The following SND1 variants were observed in gnomAD, a reference collection of about 807,000 sequenced individuals.
SND1 encodes the protein staphylococcal nuclease domain-containing protein 1.
SND1 carries 38 observed loss-of-function variants against 121.7 expected under a neutral mutation model. The observed-to-expected ratio is 0.31, with a 90% CI of 0.24 to 0.41. SND1 has a LOEUF of 0.41. Among genes scored for constraint, SND1 ranks in the 10% least tolerant of loss-of-function variants. The probability of loss-of-function intolerance (pLI) is 1.00; values close to 1 mark genes in which losing one functional copy is unlikely to be tolerated. For missense variants in SND1, 868 were observed against 1,184.6 expected (o/e 0.73, Z 3.92); for synonymous variants, 401 against 447.4 (o/e 0.90, Z 1.31).
intron 12 of SND1, among the ~76,000 whole-genome samples, chr7:127,881,206 A>G (rs1799782214): frequency 6.6e-6 from 1 of 152,068 alleles, no homozygotes; most frequent in African/African-American, 2.4e-5. Context: ...ACTGCTCCTC[A>G]AAGAATTACC....
In SND1 at chr7:127,789,655, T is replaced by C. The variant is rs966967957; in HGVS notation, c.1153-17829T>C. Among the ~76,000 whole-genome samples the C allele has an allele frequency of 1.4e-4, 21 of 152,242 alleles. No homozygotes were observed. The East Asian group carries it at 3.8e-3, about 28-fold the overall frequency. On this transcript the variant is annotated intron_variant, in intron 10 of 23. Coordinates refer to ENST00000354725, the MANE Select transcript of SND1 (RefSeq NM_014390.4). Reference sequence around the variant, plus strand: ...CAATAAAAAGGCATGCAGGTTGGTTTTCCCTAAAGCCTCATCTTCAACTTG... The same window carrying C: ...CAATAAAAAGGCATGCAGGTTGGTTCTCCCTAAAGCCTCATCTTCAACTTG...
Position 128,026,719 on chromosome 7 carries a change from A to G in SND1, c.1779+35663A>G, listed in dbSNP as rs919854111. Among the ~76,000 whole-genome samples the G allele has an allele frequency of 2.0e-5, 3 of 152,192 alleles. No individual in the cohort carries two copies. In the East Asian group the frequency reaches 5.8e-4, roughly 29 times the overall value. On this transcript the variant is annotated intron_variant, in intron 16 of 23. Transcript: ENST00000354725. ...CGGGTAGAGCTGGTGCTGCCTGACCAGCAGCTTCTGCTGAGGTGGCATTTA... is the reference window on the plus strand; with the variant it reads ...CGGGTAGAGCTGGTGCTGCCTGACCGGCAGCTTCTGCTGAGGTGGCATTTA...
intron 2 of SND1, among the ~76,000 whole-genome samples, chr7:127,691,785 T>A (rs909442525): frequency 2.7e-5 from 4 of 146,736 alleles, no homozygotes; most frequent in African/African-American, 7.5e-5. Context: ...GCTAATTTTT[T>A]TTTTTTTTTT....
At chr7:127,758,429 C>T (rs1746469230) in intron 10 of SND1, among the ~76,000 whole-genome samples, 1 of 152,140 alleles carries the variant, frequency 6.6e-6, no homozygotes, top group Admixed American at 6.5e-5. Context: ...AAGACACATC[C>T]CCTATCCTCA....
At chr7:127,831,328 C>CT (rs1187303200) in intron 11 of SND1, among the ~76,000 whole-genome samples, 1 of 152,234 alleles carries the variant, frequency 6.6e-6, no homozygotes, top group Admixed American at 6.5e-5. Context: ...TTCTTCCACT[C>CT]TTTTCCAGCT....
chr7:127,859,971 T>C (rs1176934904), intron 12 of SND1, among the ~76,000 whole-genome samples: 10 of 152,184 alleles, frequency 6.6e-5, no homozygotes, highest in Non-Finnish European at 1.5e-5. Context: ...CTCAGATCAC[T>C]TTTACAGCTC....
intron 16 of SND1, among the ~76,000 whole-genome samples, chr7:128,058,339 C>T (rs1022568850): frequency 1.3e-5 from 2 of 152,248 alleles, no homozygotes; most frequent in Non-Finnish European, 2.9e-5. Context: ...CTCATTTAAA[C>T]CTTGTGAGGG....
At chr7:127,850,012 A>G (rs185381719) in intron 12 of SND1, among the ~76,000 whole-genome samples, 1 of 152,292 alleles carries the variant, frequency 6.6e-6, no homozygotes, top group East Asian at 1.9e-4. Context: ...CCTTTAATGT[A>G]TTTGTATGAA....
intron 11 of SND1, among the ~76,000 whole-genome samples, chr7:127,817,710 T>C (rs1798469524): frequency 6.6e-6 from 1 of 150,816 alleles, no homozygotes; most frequent in Non-Finnish European, 1.5e-5. Flanking sequence ...TCACAACTTC[T>C]TTCCTTCATA....
At chr7:128,075,014 G>T (rs1051009045) in intron 17 of SND1, among the ~76,000 whole-genome samples, 3 of 152,180 alleles carry the variant, frequency 2.0e-5, no homozygotes, top group African/African-American at 7.2e-5. Flanking sequence ...AATGCCCGGG[G>T]CGCCCCTCCC....
chr7:127,740,534 T>A (rs1428931441), intron 10 of SND1, among the ~76,000 whole-genome samples: 1 of 152,172 alleles, frequency 6.6e-6, no homozygotes, highest in African/African-American at 2.4e-5. Context: ...GCAACATGGC[T>A]CAATCAGCAG....
At chr7:128,027,079 T>C (rs1803496183) in intron 16 of SND1, 1 of 152,700 alleles carries the variant, frequency 6.5e-6, no homozygotes, top group East Asian at 1.9e-4. Flanking sequence ...AATTAAAAAT[T>C]CAACAATATT....
chr7:127,894,108 T>C (rs564909824), intron 13 of SND1, among the ~76,000 whole-genome samples: 22 of 152,198 alleles, frequency 1.4e-4, no homozygotes, highest in Non-Finnish European at 1.0e-4. Context: ...TAAACCAATA[T>C]CCCTGGCTAT....
At chr7:128,023,128 C>A (rs1403225178) in intron 16 of SND1, among the ~76,000 whole-genome samples, 2 of 152,208 alleles carry the variant, frequency 1.3e-5, no homozygotes, top group African/African-American at 2.4e-5. Context: ...TCCTCCTTGA[C>A]TGCATTGCAG....
chr7:127,852,128 C>G lies in SND1; in HGVS notation c.1343+7704C>G, dbSNP rs867980632. On this transcript the variant is annotated intron_variant, in intron 12 of 23. Coordinates refer to ENST00000354725, the MANE Select transcript of SND1 (RefSeq NM_014390.4). ...TGAGCTGAGATTGTGCCACTGCACT[C>G]CAGCCTGGGTGGTAGAGCAAGACTC... Among the ~76,000 whole-genome samples, 8 of 151,396 alleles carry G rather than the reference C, an allele frequency of 5.3e-5. No homozygotes were observed. In the South Asian group the frequency reaches 6.3e-4, roughly 12 times the overall value.
At chr7:127,997,867 G>A (rs748968975) in intron 16 of SND1, 6 of 534,644 alleles carry the variant, frequency 1.1e-5, no homozygotes, top group Middle Eastern at 6.3e-4. Flanking sequence ...ATTCACTCCT[G>A]TTCTGGAAGG....
Position 127,834,872 on chromosome 7 carries a change from A to G in SND1, c.1243-9452A>G, listed in dbSNP as rs145983041. 9.1e-4 allele frequency among the ~76,000 whole-genome samples: 139 copies of G among 152,182 alleles called. 1 individual carries two copies. The highest frequency in any genetic ancestry group is 3.4e-3 in the Middle Eastern group (1 of 292). On this transcript the variant is annotated intron_variant, in intron 11 of 23. Transcript: ENST00000354725. Reference sequence around the variant, plus strand: ...CCTAAACATATATTTTCCTTGTCTGAGTGACTTCTTGATGCCAGCTCATGG... The same window carrying G: ...CCTAAACATATATTTTCCTTGTCTGGGTGACTTCTTGATGCCAGCTCATGG...
chr7:127,727,995 C>T (rs1470509745), intron 10 of SND1, among the ~76,000 whole-genome samples: 1 of 152,118 alleles, frequency 6.6e-6, no homozygotes, highest in African/African-American at 2.4e-5. Context: ...AGTAGGGGTA[C>T]AAGCCTGCCT....
intron 16 of SND1, among the ~76,000 whole-genome samples, chr7:128,020,899 C>G (rs532788012): frequency 6.6e-6 from 1 of 152,196 alleles, no homozygotes; most frequent in East Asian, 1.9e-4. Context: ...CGTCTCTCCC[C>G]CTCATGAGAG....
Sources: gnomAD v4.1 joint callset for allele counts (sites outside exome capture counted in the v4.1 genomes callset) on GRCh38, gnomAD v4.1.1 for gene constraint, MANE v1.5 for transcripts, NCBI Gene and HGNC (gene_info 2026-07-23, HGNC 2026-07-21) for gene names.